Variants in CTNNA2 observed in about 807,000 individuals in gnomAD.
CTNNA2 encodes catenin alpha-2.
CTNNA2 carries 42 observed loss-of-function variants against 101.0 expected under a neutral mutation model. That is an observed-to-expected ratio of 0.42 (90% CI 0.32 to 0.54). The LOEUF (loss-of-function observed/expected upper bound fraction) is 0.54, where lower values mean the gene tolerates loss of function less well. CTNNA2 is among the 20% of genes least tolerant of loss of function. The pLI, the probability that CTNNA2 is intolerant of heterozygous loss-of-function variation, is 0.14. For synonymous variants in CTNNA2, 450 were observed against 456.4 expected, an observed-to-expected ratio of 0.99 and a Z score of 0.18; for missense variants, 871 against 1,223.1, an observed-to-expected ratio of 0.71 and a Z score of 4.29.
intron 4 of CTNNA2, among the ~76,000 whole-genome samples, chr2:79,437,955 T>G (rs1678735245): frequency 6.6e-6 from 1 of 152,096 alleles, no homozygotes; most frequent in Admixed American, 6.5e-5. Flanking sequence ...GAGGCTATGA[T>G]GGTTTCTGTG....
At chr2:80,065,068 C>A (rs951883616) in intron 7 of CTNNA2, among the ~76,000 whole-genome samples, 1 of 152,026 alleles carries the variant, frequency 6.6e-6, no homozygotes, top group Admixed American at 6.6e-5. Flanking sequence ...AAATTTCACT[C>A]AAAAAGAATT....
At chr2:79,295,390 G>T (rs1473547312) in intron 2 of CTNNA2, among the ~76,000 whole-genome samples, 1 of 152,120 alleles carries the variant, frequency 6.6e-6, no homozygotes, top group Non-Finnish European at 1.5e-5. Context: ...TTAAATGCAA[G>T]CTCTAGGCCA....
intron 6 of CTNNA2, among the ~76,000 whole-genome samples, chr2:79,895,706 T>G (rs2104243422): frequency 6.6e-6 from 1 of 151,832 alleles, no homozygotes; most frequent in Middle Eastern, 3.4e-3. Flanking sequence ...TTTTTTTTTT[T>G]TTTGGCTGCA....
At chr2:80,189,425 C>A (rs1706333405) in intron 7 of CTNNA2, among the ~76,000 whole-genome samples, 1 of 152,214 alleles carries the variant, frequency 6.6e-6, no homozygotes, top group South Asian at 2.1e-4. Context: ...GGAGTCACAT[C>A]TTTGATTCCT....
chr2:79,879,933 C>T (rs549292419), intron 6 of CTNNA2, among the ~76,000 whole-genome samples: 2 of 152,200 alleles, frequency 1.3e-5, no homozygotes, highest in South Asian at 4.1e-4. Flanking sequence ...TTTGCCCATT[C>T]AATATGATAT....
intron 4 of CTNNA2, among the ~76,000 whole-genome samples, chr2:79,436,165 A>G (rs749112357): frequency 1.8e-4 from 27 of 152,198 alleles, no homozygotes; most frequent in Non-Finnish European, 2.4e-4. Context: ...GATATGAAAA[A>G]TGATGCTACT....
chr2:80,581,639 T>A, intron 13 of CTNNA2, 67 bp from the exon 14 acceptor site: 2 of 981,474 alleles, frequency 2.0e-6, no homozygotes, highest in Non-Finnish European at 3.3e-6. Flanking sequence ...GCCTTTGCAA[T>A]GAAGTGTGTG....
chr2:79,605,790 A>G (rs547498076), intron 1 of CTNNA2, among the ~76,000 whole-genome samples: 97 of 152,194 alleles, frequency 6.4e-4, no homozygotes, highest in Admixed American at 1.4e-3. Context: ...GTGTGGTGGT[A>G]CATGCCTGTA....
intron 4 of CTNNA2, among the ~76,000 whole-genome samples, chr2:79,375,850 A>G (rs1401665540): frequency 6.6e-6 from 1 of 152,070 alleles, no homozygotes; most frequent in African/African-American, 2.4e-5. Flanking sequence ...CCAAACTCAT[A>G]CATTCATTCA....
At chr2:79,801,539 G>A (rs1676155628) in intron 3 of CTNNA2, among the ~76,000 whole-genome samples, 1 of 152,086 alleles carries the variant, frequency 6.6e-6, no homozygotes. Context: ...ATGTTGAGAT[G>A]CATTTTTCCT....
chr2:79,991,559 G>A (rs553419663), intron 7 of CTNNA2, among the ~76,000 whole-genome samples: 40 of 152,286 alleles, frequency 2.6e-4, no homozygotes, highest in African/African-American at 8.9e-4. Context: ...AATATGAGAT[G>A]TACAGTAAAC....
chr2:79,901,054 G>T (rs1685038781), intron 6 of CTNNA2, among the ~76,000 whole-genome samples: 1 of 152,156 alleles, frequency 6.6e-6, no homozygotes, highest in Admixed American at 6.5e-5. Context: ...GTAGCACATT[G>T]CTGGGAAAAG....
intron 2 of CTNNA2, among the ~76,000 whole-genome samples, chr2:79,702,098 T>G (rs1371182854): frequency 6.7e-6 from 1 of 148,304 alleles, no homozygotes; most frequent in Admixed American, 6.7e-5. Flanking sequence ...ATGGCATGAA[T>G]GGGGTACTCA....
At chr2:80,442,984 A>G (rs542011634) in intron 9 of CTNNA2, among the ~76,000 whole-genome samples, 1 of 152,328 alleles carries the variant, frequency 6.6e-6, no homozygotes, top group South Asian at 2.1e-4. Context: ...AGGGGCCTGC[A>G]ATAAGGAACT....
chr2:79,824,320 A>G (rs902708705), intron 3 of CTNNA2, among the ~76,000 whole-genome samples: 1 of 152,108 alleles, frequency 6.6e-6, no homozygotes, highest in East Asian at 1.9e-4. Context: ...TGCCTGAAGC[A>G]TGGGTCACCA....
chr2:80,294,534 T>C lies in CTNNA2; in HGVS notation c.1057-98677T>C, dbSNP rs1181400729. ...TTTTTAAAGAGCTGCAGTCAGACTT[T>C]TGGATCTTGTAGATTGCTGAGTTGT... On this transcript the variant is annotated intron_variant, in intron 7 of 18. Coordinates refer to ENST00000402739, the MANE Select transcript of CTNNA2 (RefSeq NM_001282597.3). Among the ~76,000 whole-genome samples the C allele has an allele frequency of 2.0e-5, 3 of 152,076 alleles. No homozygotes were observed. In the East Asian group the frequency reaches 5.8e-4, roughly 29 times the overall value.
chr2:79,223,073 C>T (rs969138631), intron 2 of CTNNA2, among the ~76,000 whole-genome samples: 3 of 152,138 alleles, frequency 2.0e-5, no homozygotes. Context: ...GGCAAGAGAA[C>T]TGCTTGAGCC....
chr2:79,928,357 C>T (rs1687169926), intron 7 of CTNNA2, among the ~76,000 whole-genome samples: 1 of 152,228 alleles, frequency 6.6e-6, no homozygotes, highest in Admixed American at 6.5e-5. Flanking sequence ...ATACAAAACA[C>T]TATTGTAGAT....
chr2:80,463,193 G>A (rs1223633510), intron 9 of CTNNA2, among the ~76,000 whole-genome samples: 1 of 152,076 alleles, frequency 6.6e-6, no homozygotes, highest in African/African-American at 2.4e-5. Context: ...ATCTCACATG[G>A]TTCTTTAACT....
Sources: gnomAD v4.1 joint callset for allele counts (sites outside exome capture counted in the v4.1 genomes callset) on GRCh38, gnomAD v4.1.1 for gene constraint, MANE v1.5 for transcripts, NCBI Gene and HGNC (gene_info 2026-07-23, HGNC 2026-07-21) for gene names.